PARP12: variants seen among roughly 807,000 people sequenced by gnomAD.
PARP12 encodes poly(ADP-ribose) polymerase family member 12.
PARP12 carries 59 observed loss-of-function variants against 72.4 expected under a neutral mutation model. The observed-to-expected ratio is 0.81, with a 90% CI of 0.66 to 1.01. The LOEUF (loss-of-function observed/expected upper bound fraction) is 1.01. Among genes scored for constraint, PARP12 ranks in the 50% least tolerant of loss-of-function variants. The pLI, the probability that PARP12 is intolerant of heterozygous loss-of-function variation, is 0.00. For synonymous variants in PARP12, 403 were observed against 371.4 expected (o/e 1.09, Z -0.98); for missense variants, 851 against 914.0 (o/e 0.93, Z 0.89).
intron 6 of PARP12, 123 bp from the exon 7 acceptor site, chr7:140,037,979 G>A: frequency 1.4e-6 from 2 of 1,462,760 alleles, no homozygotes; most frequent in Non-Finnish European, 1.8e-6. Context: ...GGGGAAGATG[G>A]AGGCCAGGGA....
chr7:140,041,820 C>A lies in PARP12; in HGVS notation c.1006G>T (p.Ala336Ser). ...KIERILCSES[A>S]STFHSHCLNF... is the part of the protein sequence containing the mutation. Reference sequence around the variant, plus strand: ...AGACAATGAGAGTGAAAGGTACTGGCTGACTCAGAGCACAGGATCCTACAG... The same window carrying A: ...AGACAATGAGAGTGAAAGGTACTGGATGACTCAGAGCACAGGATCCTACAG... The change falls in exon 6 of 12, where the codon GCC (alanine) becomes TCC (serine). Residue 336 changes from alanine (A) to serine (S), a missense_variant. Physicochemically the swap from Ala to Ser is moderately conservative, Grantham distance 99. Transcript: ENST00000263549. 1.2e-6 allele frequency: 2 copies of A among 1,613,824 alleles called. No individual in the cohort carries two copies. The highest frequency in any genetic ancestry group is 1.7e-6 in the Non-Finnish European group (2 of 1,179,830).
chr7:140,041,980 A>C (rs1339815040), intron 5 of PARP12, 141 bp from the exon 6 acceptor site: 1 of 669,952 alleles, frequency 1.5e-6, no homozygotes, highest in Non-Finnish European at 2.5e-6. Flanking sequence ...GAGGTAGAGG[A>C]AACTGCTTTT....
At chr7:140,025,715 G>C (rs1223944002) in intron 11 of PARP12, 1 of 313,316 alleles carries the variant, frequency 3.2e-6, no homozygotes. Context: ...CTTGAATTTC[G>C]ATTTCCAAAG....
intron 7 of PARP12, 153 bp from the exon 8 acceptor site, chr7:140,034,484 A>G (rs1406129943): frequency 1.8e-6 from 1 of 561,846 alleles, no homozygotes; most frequent in South Asian, 2.0e-5. Flanking sequence ...GCCATTTTAC[A>G]CATTTCAAAT....
chr7:140,037,175 T>A (rs1816237080), intron 7 of PARP12, among the ~76,000 whole-genome samples: 1 of 152,134 alleles, frequency 6.6e-6, no homozygotes, highest in South Asian at 2.1e-4. Context: ...ATACAAAAAA[T>A]TAGCCAGGTG....
At chr7:140,046,053 G>A (rs560090476) in intron 5 of PARP12, among the ~76,000 whole-genome samples, 1 of 152,352 alleles carries the variant, frequency 6.6e-6, no homozygotes, top group African/African-American at 2.4e-5. Context: ...CAATCAGAAT[G>A]CTGGCTACAC....
intron 7 of PARP12, among the ~76,000 whole-genome samples, chr7:140,036,882 T>C (rs1292431116): frequency 6.6e-6 from 1 of 152,096 alleles, no homozygotes; most frequent in Admixed American, 6.5e-5. Flanking sequence ...GGGTGGCCTA[T>C]TTCTCTCTGT....
At chr7:140,049,124 T>C (rs1390425496) in intron 4 of PARP12, among the ~76,000 whole-genome samples, 1 of 152,154 alleles carries the variant, frequency 6.6e-6, no homozygotes, top group Non-Finnish European at 1.5e-5. Flanking sequence ...GGAAGTCCCA[T>C]GGAGGAGGGT....
intron 5 of PARP12, 63 bp downstream of exon 5, chr7:140,046,821 T>TGTGTGC: frequency 6.6e-7 from 1 of 1,513,616 alleles, no homozygotes; most frequent in South Asian, 1.2e-5. Flanking sequence ...TGTGTGTGTG[T>TGTGTGC]GTGTGTGTGT....
chr7:140,042,843 T>C (rs1816544497), intron 5 of PARP12, among the ~76,000 whole-genome samples: 1 of 152,162 alleles, frequency 6.6e-6, no homozygotes, highest in South Asian at 2.1e-4. Context: ...AGGGTAGCAG[T>C]TCTCAGAGAA....
intron 10 of PARP12, among the ~76,000 whole-genome samples, chr7:140,027,015 G>C (rs1173158010): frequency 6.6e-6 from 1 of 152,172 alleles, no homozygotes; most frequent in Non-Finnish European, 1.5e-5. Flanking sequence ...ATGGACAAGT[G>C]AGAGTGCTAG....
In PARP12 at chr7:140,045,170, C is replaced by T. The variant is rs1326638587; in HGVS notation, c.986+1714G>A. Among the ~76,000 whole-genome samples the T allele has an allele frequency of 2.2e-4, 33 of 152,098 alleles. 1 individual carries two copies. The highest frequency in any genetic ancestry group is 2.0e-3 in the Admixed American group (30 of 15,266). On this transcript the variant is annotated intron_variant, in intron 5 of 11. Transcript: ENST00000263549. Reference sequence around the variant, plus strand: ...GCAGCTTCCTGAGTAGCTGGGACTACAGGCACGCGCCACCATGCTCAGCTA... The same window carrying T: ...GCAGCTTCCTGAGTAGCTGGGACTATAGGCACGCGCCACCATGCTCAGCTA...
At chr7:140,057,300 T>C in intron 2 of PARP12, 147 bp from the exon 3 acceptor site, 1 of 779,690 alleles carries the variant, frequency 1.3e-6, no homozygotes, top group Admixed American at 2.7e-5. Context: ...TCCCTCACTC[T>C]AGATGACGGC....
intron 11 of PARP12, among the ~76,000 whole-genome samples, chr7:140,025,995 C>T (rs1404126222): frequency 6.6e-6 from 1 of 152,212 alleles, no homozygotes; most frequent in Non-Finnish European, 1.5e-5. Context: ...GCCACCCTGC[C>T]CACACCTGGG....
intron 1 of PARP12, 126 bp downstream of exon 1, chr7:140,062,396 G>A: frequency 2.1e-6 from 2 of 947,884 alleles, no homozygotes; most frequent in Non-Finnish European, 3.0e-6. Context: ...GTGAATGACG[G>A]TGCGAGGTCA....
intron 7 of PARP12, among the ~76,000 whole-genome samples, chr7:140,035,244 C>T (rs1235391945): frequency 6.6e-6 from 1 of 152,194 alleles, no homozygotes; most frequent in East Asian, 1.9e-4. Context: ...ATTCAGAGCC[C>T]ATGATCCAGA....
At chr7:140,052,075 A>G (rs1252180041) in intron 4 of PARP12, among the ~76,000 whole-genome samples, 1 of 152,166 alleles carries the variant, frequency 6.6e-6, no homozygotes, top group African/African-American at 2.4e-5. Flanking sequence ...CCTACTGGTA[A>G]AGCCATGTTC....
chr7:140,047,563 A>C (rs1249947224), intron 4 of PARP12, among the ~76,000 whole-genome samples: 1 of 152,174 alleles, frequency 6.6e-6, no homozygotes, highest in Non-Finnish European at 1.5e-5. Context: ...CTCTGTTATA[A>C]GCAACAAAAT....
Position 140,058,023 on chromosome 7 carries a change from C to T in PARP12, c.338G>A (p.Arg113Lys), listed in dbSNP as rs1197725177. Residue 113 changes from arginine (R) to lysine (K), a missense_variant, in exon 2 of 12, where the codon AGG becomes AAG. Coordinates refer to ENST00000263549, the MANE Select transcript of PARP12 (RefSeq NM_022750.4). Reference sequence around the variant, plus strand: ...TTCGGTTGTCAAGCTGTGACTATTCCTACAGTTCTTCCTGCAAAGAAGCAG... The same window carrying T: ...TTCGGTTGTCAAGCTGTGACTATTCTTACAGTTCTTCCTGCAAAGAAGCAG... ...CKFLRAGKNC[R>K]NSHSLTTEHN... 2 of 1,614,234 alleles carry T rather than the reference C, an allele frequency of 1.2e-6. No homozygotes were observed. The highest frequency in any genetic ancestry group is 3.3e-4 in the Middle Eastern group (2 of 6,062).
Sources: allele counts gnomAD v4.1 joint callset (sites outside exome capture counted in the v4.1 genomes callset), GRCh38; gene constraint gnomAD v4.1.1; transcripts MANE v1.5; gene names NCBI Gene and HGNC (gene_info 2026-07-23, HGNC 2026-07-21).